Variants in DYM observed in about 807,000 individuals in gnomAD.
The protein encoded by DYM is dymeclin, also known as dyggve-Melchior-Clausen syndrome protein.
DYM carries 78 observed loss-of-function variants against 93.1 expected under a neutral mutation model. The observed-to-expected ratio is 0.84, with a 90% CI of 0.70 to 1.01. DYM has a LOEUF of 1.01. Ranked by LOEUF, DYM falls within the 50% of genes least tolerant of loss-of-function variation. The pLI, the probability that DYM is intolerant of heterozygous loss-of-function variation, is 0.00. For missense variants in DYM, 789 were observed against 845.0 expected, an observed-to-expected ratio of 0.93 and a Z score of 0.82; for synonymous variants, 321 against 319.7, an observed-to-expected ratio of 1.00 and a Z score of -0.04.
chr18:49,434,447 G>A (rs2080633721), intron 1 of DYM, among the ~76,000 whole-genome samples: 1 of 152,130 alleles, frequency 6.6e-6, no homozygotes, highest in Non-Finnish European at 1.5e-5. Context: ...TTGAACCTGG[G>A]AGGCGGAGGT....
intron 14 of DYM, among the ~76,000 whole-genome samples, chr18:49,207,616 T>G (rs2092582865): frequency 6.6e-6 from 1 of 152,210 alleles, no homozygotes; most frequent in Admixed American, 6.5e-5. Context: ...TGAGGTTTCC[T>G]GAGGAAGAAG....
chr18:49,121,484 C>A (rs984597194), intron 15 of DYM, among the ~76,000 whole-genome samples: 1 of 152,056 alleles, frequency 6.6e-6, no homozygotes, highest in East Asian at 1.9e-4. Context: ...AAGAGATATT[C>A]AAAGAGATAA....
intron 3 of DYM, among the ~76,000 whole-genome samples, chr18:49,390,180 T>C (rs1423266340): frequency 6.6e-6 from 1 of 152,178 alleles, no homozygotes; most frequent in African/African-American, 2.4e-5. Context: ...CCCAACACTT[T>C]GGGGGTCCAA....
intron 17 of DYM, among the ~76,000 whole-genome samples, chr18:49,078,456 C>CCTCCT (rs1291187311): frequency 1.3e-5 from 2 of 151,798 alleles, no homozygotes; most frequent in Non-Finnish European, 2.9e-5. Flanking sequence ...GGGCCATATC[C>CCTCCT]CTCCTCTCCT....
At chr18:49,187,538 T>G (rs980632240) in intron 14 of DYM, among the ~76,000 whole-genome samples, 11 of 152,208 alleles carry the variant, frequency 7.2e-5, no homozygotes. Flanking sequence ...GTAACACTGA[T>G]TTTTGAACAT....
Position 49,289,755 on chromosome 18 carries a change from A to G in DYM, c.764-3139T>C, listed in dbSNP as rs1488435135. ...TATATATATATATATATATATATAT[A>G]TATATATATATATATATACACATAT... On this transcript the variant is annotated intron_variant, in intron 8 of 17. Transcript: ENST00000675505. 6.0e-3 allele frequency among the ~76,000 whole-genome samples: 262 copies of G among 43,546 alleles called. 9 individuals carry two copies. The highest frequency in any genetic ancestry group is 0.021 in the African/African-American group (231 of 10,888). 28.6% of individuals were successfully genotyped at this position (43,546 alleles called of 152,430 possible). A position where few individuals can be genotyped will look rare whatever the true frequency, so the allele number is the denominator to read the frequency against.
intron 17 of DYM, among the ~76,000 whole-genome samples, chr18:49,079,317 C>T (rs890605780): frequency 3.3e-5 from 5 of 151,982 alleles, no homozygotes; most frequent in Non-Finnish European, 5.9e-5. Context: ...AAATGTGTTC[C>T]ATTTTCTTGA....
chr18:49,385,273 A>C (rs1278094717), intron 3 of DYM, among the ~76,000 whole-genome samples: 7 of 152,212 alleles, frequency 4.6e-5, no homozygotes, highest in Admixed American at 2.6e-4. Context: ...GTTTTTCCTC[A>C]TCCCTCACCT....
chr18:49,211,664 G>A (rs2092791803), intron 13 of DYM, among the ~76,000 whole-genome samples: 1 of 152,166 alleles, frequency 6.6e-6, no homozygotes, highest in Admixed American at 6.5e-5. Flanking sequence ...TACTGCATGT[G>A]GGAATAGTGC....
chr18:49,363,131 A>G (rs767704271), intron 6 of DYM, 30 bp downstream of exon 6: 2 of 1,583,062 alleles, frequency 1.3e-6, no homozygotes, highest in Non-Finnish European at 1.7e-6. Flanking sequence ...CAAAGAAGAT[A>G]AAACAAATCC....
intron 2 of DYM, among the ~76,000 whole-genome samples, chr18:49,410,744 A>G (rs2072150650): frequency 6.6e-6 from 1 of 152,096 alleles, no homozygotes; most frequent in African/African-American, 2.4e-5. Context: ...GCTGCCCTCC[A>G]GCCTGGCCAA....
chr18:49,431,511 T>C (rs1179358691), intron 1 of DYM, among the ~76,000 whole-genome samples: 1 of 152,248 alleles, frequency 6.6e-6, no homozygotes, highest in East Asian at 1.9e-4. Flanking sequence ...TATGAATCAC[T>C]GTCTCCCTTA....
intron 11 of DYM, among the ~76,000 whole-genome samples, chr18:49,258,839 C>CAG (rs61360021): frequency 0.051 from 5,838 of 113,602 alleles, 256 homozygotes; most frequent in Middle Eastern, 0.072. Context: ...CACACACACA[C>CAG]AGAGAGAGAG....
At chr18:49,407,212 T>C (rs1459802512) in intron 2 of DYM, among the ~76,000 whole-genome samples, 1 of 152,122 alleles carries the variant, frequency 6.6e-6, no homozygotes, top group African/African-American at 2.4e-5. Flanking sequence ...GAGGAGAGGA[T>C]GGGTGTGGCT....
intron 5 of DYM, among the ~76,000 whole-genome samples, chr18:49,372,540 C>T (rs2067139087): frequency 6.6e-6 from 1 of 152,086 alleles, no homozygotes; most frequent in Non-Finnish European, 1.5e-5. Flanking sequence ...GTCAGGAGTT[C>T]GTGACCAGCC....
intron 14 of DYM, among the ~76,000 whole-genome samples, chr18:49,174,888 C>T (rs561613512): frequency 2.6e-5 from 4 of 152,134 alleles, no homozygotes; most frequent in South Asian, 4.1e-4. Context: ...GGACAGATAA[C>T]GATGGTTCTA....
At chr18:49,228,238 G>T (rs2144319967) in intron 13 of DYM, among the ~76,000 whole-genome samples, 1 of 152,164 alleles carries the variant, frequency 6.6e-6, no homozygotes, top group South Asian at 2.1e-4. Context: ...CTTATGTATG[G>T]GAGTTCTATG....
At chr18:49,223,851 T>C (rs1203816777) in intron 13 of DYM, among the ~76,000 whole-genome samples, 1 of 151,884 alleles carries the variant, frequency 6.6e-6, no homozygotes, top group African/African-American at 2.4e-5. Context: ...TAAAGGACAA[T>C]GTGTAAGGAG....
intron 6 of DYM, among the ~76,000 whole-genome samples, chr18:49,345,947 T>G (rs915861671): frequency 6.6e-6 from 1 of 152,166 alleles, no homozygotes; most frequent in African/African-American, 2.4e-5. Flanking sequence ...ATTTTGACAC[T>G]GATCTACAAC....
Sources: allele counts gnomAD v4.1 joint callset (sites outside exome capture counted in the v4.1 genomes callset), GRCh38; gene constraint gnomAD v4.1.1; transcripts MANE v1.5; gene names NCBI Gene and HGNC (gene_info 2026-07-23, HGNC 2026-07-21).